ASIC2: variants seen among roughly 807,000 people sequenced by gnomAD.
ASIC2 encodes the protein acid sensing ion channel subunit 2.
A neutral mutation model predicts 57.3 loss-of-function variants in ASIC2; 25 were observed. The ratio of observed to expected loss-of-function variants is 0.44; its 90% CI spans 0.32 to 0.61. The LOEUF (loss-of-function observed/expected upper bound fraction) is 0.61. Among genes scored for constraint, ASIC2 ranks in the 20% least tolerant of loss-of-function variants. The probability of loss-of-function intolerance (pLI) is 0.06; values close to 1 mark genes in which losing one functional copy is unlikely to be tolerated. For missense variants in ASIC2, 641 were observed against 738.1 expected, an observed-to-expected ratio of 0.87 and a Z score of 1.52; for synonymous variants, 319 against 307.5, an observed-to-expected ratio of 1.04 and a Z score of -0.39.
At chr17:33,272,845 A>G (rs1033946627) in intron 1 of ASIC2, among the ~76,000 whole-genome samples, 1 of 152,164 alleles carries the variant, frequency 6.6e-6, no homozygotes, top group African/African-American at 2.4e-5. Flanking sequence ...TTTTTCAACA[A>G]CTTTTTACAA....
At chr17:33,483,775 G>T (rs534992119) in intron 1 of ASIC2, among the ~76,000 whole-genome samples, 1 of 152,302 alleles carries the variant, frequency 6.6e-6, no homozygotes, top group East Asian at 1.9e-4. Flanking sequence ...AGTGTGGTAG[G>T]CTGAATAATA....
At chr17:33,790,356 T>C (rs1163437655) in intron 1 of ASIC2, among the ~76,000 whole-genome samples, 1 of 152,156 alleles carries the variant, frequency 6.6e-6, no homozygotes. Flanking sequence ...TATCACAAAA[T>C]TGTTTTCCTA....
At chr17:33,189,041 A>T (rs1322567936) in intron 1 of ASIC2, among the ~76,000 whole-genome samples, 1 of 152,184 alleles carries the variant, frequency 6.6e-6, no homozygotes, top group Non-Finnish European at 1.5e-5. Flanking sequence ...TTCTGATACT[A>T]TACATACAGT....
At chr17:33,099,821 G>A (rs1290905779) in intron 2 of ASIC2, 1 of 152,162 alleles carries the variant, frequency 6.6e-6, no homozygotes, top group African/African-American at 2.4e-5. Context: ...GTGGAAGTTA[G>A]GTACAACCAG....
rs773382727 is a variant in ASIC2 at position 33,291,518 on chromosome 17, A to G, written c.598T>C (p.Phe200Leu). 6 of 1,612,534 alleles carry G rather than the reference A, an allele frequency of 3.7e-6. No homozygotes were observed. The highest frequency in any genetic ancestry group is 5.1e-6 in the Non-Finnish European group (6 of 1,179,780). Reference protein sequence around the residue: ...DFRLFLPPRHFEGISAAFMDR... With the variant: ...DFRLFLPPRHLEGISAAFMDR... ...ATGAAGGCGGCGCTGATTCCCTCGA[A>G]GTGGCGCGGAGGCAGGAAGAGGCGG... The change falls in exon 1 of 10, where the codon TTC (phenylalanine) becomes CTC (leucine). Residue 200 changes from phenylalanine to leucine, a missense_variant. Phe to Leu is a conservative substitution (Grantham distance 22, BLOSUM62 0). Around this residue, in one of 3 missense-constraint regions of ASIC2, gnomAD observed 382 missense variants for 398.0 expected, o/e 0.96. Coordinates refer to ENST00000225823, the MANE Select transcript of ASIC2 (RefSeq NM_183377.2).
chr17:33,859,099 T>A (rs1257608795), intron 1 of ASIC2, among the ~76,000 whole-genome samples: 1 of 152,248 alleles, frequency 6.6e-6, no homozygotes, highest in Non-Finnish European at 1.5e-5. Flanking sequence ...TAAGACCAAC[T>A]GTGTCCACAC....
chr17:33,398,118 C>T (rs1199133521), intron 1 of ASIC2, among the ~76,000 whole-genome samples: 1 of 152,198 alleles, frequency 6.6e-6, no homozygotes, highest in Non-Finnish European at 1.5e-5. Flanking sequence ...TTTTCCTTGG[C>T]TTGACCACCT....
At position 33,013,791 on chromosome 17, in the gene ASIC2, C is replaced by T. The variant is rs1944958102; in HGVS notation, c.*174G>A. On this transcript the variant is annotated 3_prime_UTR_variant, in exon 10 of 10. Coordinates refer to ENST00000225823, the MANE Select transcript of ASIC2 (RefSeq NM_183377.2). ...GGACGCACGGCGGGGCCCAAGGATG[C>T]GTCGTGTTGGACGTGGCCGGAGCGA... 4.8e-6 allele frequency: 3 copies of T among 631,204 alleles called. No homozygotes were observed. Among genetic ancestry groups the T allele is most frequent in the South Asian group, 1.9e-5 (1 of 52,384 alleles). 39.1% of individuals were successfully genotyped at this position (631,204 alleles called of 1,614,324 possible).
intron 1 of ASIC2, among the ~76,000 whole-genome samples, chr17:33,641,810 G>A (rs111470017): frequency 1.8e-3 from 275 of 152,270 alleles, no homozygotes; most frequent in African/African-American, 6.3e-3. Flanking sequence ...CACCAATTGC[G>A]TGGTCTGTAC....
At chr17:33,579,710 T>C (rs1419914175) in intron 1 of ASIC2, among the ~76,000 whole-genome samples, 1 of 152,140 alleles carries the variant, frequency 6.6e-6, no homozygotes, top group East Asian at 1.9e-4. Context: ...GCAGCCAGCG[T>C]TACAACTGTT....
At chr17:33,360,307 A>G (rs1908548722) in intron 1 of ASIC2, among the ~76,000 whole-genome samples, 1 of 152,234 alleles carries the variant, frequency 6.6e-6, no homozygotes, top group South Asian at 2.1e-4. Context: ...GTGAAGGTAG[A>G]ATTTGAATGA....
chr17:33,535,496 T>C (rs1338004004), intron 1 of ASIC2, among the ~76,000 whole-genome samples: 1 of 151,988 alleles, frequency 6.6e-6, no homozygotes, highest in Non-Finnish European at 1.5e-5. Flanking sequence ...CAGGATGGTC[T>C]CAATCTCCTG....
At chr17:33,708,727 C>G (rs1182811387) in intron 1 of ASIC2, among the ~76,000 whole-genome samples, 1 of 152,166 alleles carries the variant, frequency 6.6e-6, no homozygotes, top group Non-Finnish European at 1.5e-5. Flanking sequence ...TCTGCACCAA[C>G]CATCTCCTCC....
intron 1 of ASIC2, among the ~76,000 whole-genome samples, chr17:33,957,466 C>A (rs1399420944): frequency 6.6e-6 from 1 of 152,130 alleles, no homozygotes; most frequent in South Asian, 2.1e-4. Flanking sequence ...TTCCACATGG[C>A]TGGGGAGGCC....
At chr17:33,321,183 C>T (rs1906854329) in intron 1 of ASIC2, among the ~76,000 whole-genome samples, 1 of 152,176 alleles carries the variant, frequency 6.6e-6, no homozygotes, top group Non-Finnish European at 1.5e-5. Flanking sequence ...TAGCACATAG[C>T]AGGCATAAAG....
chr17:33,609,270 C>A (rs1905317827), intron 1 of ASIC2, among the ~76,000 whole-genome samples: 2 of 152,308 alleles, frequency 1.3e-5, no homozygotes, highest in Non-Finnish European at 1.5e-5. Context: ...GCTTAAGAGA[C>A]ACTGACGGCT....
intron 1 of ASIC2, among the ~76,000 whole-genome samples, chr17:33,513,238 C>T (rs1316118001): frequency 1.3e-5 from 2 of 152,152 alleles, no homozygotes; most frequent in Admixed American, 1.3e-4. Context: ...AATCACTCTC[C>T]TGTGTTGTTT....
rs568127453 is a variant in ASIC2 at position 33,411,392 on chromosome 17, G to T, written c.556-299325C>A. ...CCAAATGAATATCATTGCAACTCAG[G>T]CCAGATTTCCAGAACTGGACTGTCA... On this transcript the variant is annotated intron_variant, in intron 1 of 9. Transcript: ENST00000359872. Among the ~76,000 whole-genome samples, 68 of 152,282 alleles carry T rather than the reference G, an allele frequency of 4.5e-4. 1 individual carries two copies. Among genetic ancestry groups the T allele is most frequent in the Non-Finnish European group, 4.1e-4 (28 of 68,020 alleles).
intron 1 of ASIC2, among the ~76,000 whole-genome samples, chr17:33,304,686 T>G (rs902262052): frequency 5.9e-5 from 9 of 152,136 alleles, no homozygotes; most frequent in African/African-American, 2.2e-4. Context: ...TTAGTCTCAA[T>G]CCATTTTAAA....
Sources: allele counts gnomAD v4.1 joint callset (sites outside exome capture counted in the v4.1 genomes callset), GRCh38; gene constraint gnomAD v4.1.1; regional missense constraint gnomAD v4.1.1; transcripts MANE v1.5; gene names NCBI Gene and HGNC (gene_info 2026-07-23, HGNC 2026-07-21).